CDH26: variants seen among roughly 807,000 people sequenced by gnomAD.
CDH26 encodes the protein cadherin 26, also known as cadherin-like protein 26.
CDH26 carries 83 observed loss-of-function variants against 90.3 expected under a neutral mutation model. The observed-to-expected ratio is 0.92, with a 90% CI of 0.77 to 1.10. The LOEUF (loss-of-function observed/expected upper bound fraction) is 1.10. CDH26 is among the 50% of genes least tolerant of loss of function. The pLI is 0.00. For missense variants in CDH26, 1,013 were observed against 1,037.6 expected (o/e 0.98, Z 0.33); for synonymous variants, 397 against 396.3 (o/e 1.00, Z -0.02).
At chr20:60,004,634 C>T (rs532933552) in intron 16 of CDH26, among the ~76,000 whole-genome samples, 19 of 151,814 alleles carry the variant, frequency 1.3e-4, no homozygotes, top group Non-Finnish European at 2.1e-4. Context: ...GACGTGGTGG[C>T]GGGCGCCTGT....
At chr20:59,961,923 T>TA (rs2061080455) in intron 1 of CDH26, among the ~76,000 whole-genome samples, 1 of 152,200 alleles carries the variant, frequency 6.6e-6, no homozygotes, top group Non-Finnish European at 1.5e-5. Flanking sequence ...AAAAGCCACT[T>TA]ATGATTTTTT....
chr20:59,996,353 G>T lies in CDH26; in HGVS notation c.1889-278G>T, dbSNP rs138608112. 166 of 1,448,616 alleles carry T rather than the reference G, an allele frequency of 1.1e-4. No homozygotes were observed. In the African/African-American group the frequency reaches 2.2e-3, roughly 19 times the overall value. 89.7% of individuals were successfully genotyped at this position (1,448,616 alleles called of 1,614,324 possible). On this transcript the variant is annotated intron_variant, in intron 12 of 17. Transcript: ENST00000348616. ...GAGACAGCAATGTACAGATATTCAG[G>T]CTCCTGGACTTGGCAAGGCTAATAA...
intron 7 of CDH26, among the ~76,000 whole-genome samples, chr20:59,985,349 C>A (rs573873525): frequency 2.6e-5 from 4 of 152,228 alleles, no homozygotes; most frequent in African/African-American, 9.6e-5. Context: ...TCTAGGGAGG[C>A]CTCAGGACGC....
chr20:59,958,783 G>A lies in CDH26; in HGVS notation c.57G>A (p.Leu19=), dbSNP rs1467433712. 3.1e-6 allele frequency: 5 copies of A among 1,613,768 alleles called. No individual in the cohort carries two copies. Among genetic ancestry groups the A allele is most frequent in the Non-Finnish European group, 4.2e-6 (5 of 1,179,856 alleles). Residue 19 remains leucine (L), a synonymous_variant, in exon 1 of 18, where the codon CTG becomes CTA. Coordinates refer to ENST00000348616, the MANE Select transcript of CDH26 (RefSeq NM_177980.4). ...PSLLLLLVLL[L]WLLQVSIIDS... ...TGCTGCTGCTTCTAGTGCTGCTGCT[G>A]TGGCTGCTGCAGGTAAGCTGAGCCT...
intron 14 of CDH26, 138 bp from the exon 15 acceptor site, chr20:60,001,205 T>A: frequency 2.0e-6 from 2 of 978,456 alleles, no homozygotes; most frequent in Non-Finnish European, 3.1e-6. Context: ...CACCGCGCCC[T>A]CCCTCTCATC....
chr20:59,970,146 A>G lies in CDH26; in HGVS notation c.191A>G (p.Glu64Gly). The G allele has an allele frequency of 6.2e-7, 1 of 1,614,104 alleles. No homozygotes were observed. The highest frequency in any genetic ancestry group is 8.5e-7 in the Non-Finnish European group (1 of 1,179,986). Residue 64 changes from glutamate to glycine, a missense_variant, in exon 3 of 18, where the codon GAG (glutamate) becomes GGG (glycine). Glu to Gly is a moderately conservative substitution (Grantham distance 98). Coordinates refer to ENST00000348616, the MANE Select transcript of CDH26 (RefSeq NM_177980.4). ...RRWVITTLELEEEDPGPFPKL... is the reference protein window; with the variant it reads ...RRWVITTLELGEEDPGPFPKL... ...TGGGTTATCACCACCTTGGAGCTGG[A>G]GGAGGAAGACCCGGGACCCTTTCCC...
rs144821881 is a variant in CDH26 at position 59,984,752 on chromosome 20, C to T, written c.655C>T (p.Arg219Trp). Residue 219 changes from arginine to tryptophan, a missense_variant, in exon 6 of 18, where the codon CGG (arginine) becomes TGG (tryptophan). Arg to Trp is a moderately radical substitution (Grantham distance 101, BLOSUM62 -3). Coordinates refer to ENST00000348616, the MANE Select transcript of CDH26 (RefSeq NM_177980.4). ...QTPLLKESGF[R>W]VDRLSGEIRL... ...ACCATTACTGAAAGAAAGTGGTTTC[C>T]GGGTTGATCGCCTTAGTGGAGAAAT... 561 of 1,613,696 alleles carry T rather than the reference C, an allele frequency of 3.5e-4. No homozygotes were observed. Among genetic ancestry groups the T allele is most frequent in the Non-Finnish European group, 4.4e-4 (519 of 1,179,878 alleles).
intron 4 of CDH26, among the ~76,000 whole-genome samples, chr20:59,977,143 G>A (rs1309110460): frequency 2.0e-5 from 3 of 152,184 alleles, no homozygotes; most frequent in Admixed American, 6.5e-5. Context: ...GCGGGGATGA[G>A]CAGAGGCCAT....
intron 4 of CDH26, among the ~76,000 whole-genome samples, chr20:59,978,235 A>C (rs915950954): frequency 6.6e-6 from 1 of 152,212 alleles, no homozygotes; most frequent in Non-Finnish European, 1.5e-5. Context: ...ATACATATTC[A>C]ACACATTTGG....
intron 12 of CDH26, 110 bp from the exon 13 acceptor site, chr20:59,996,521 T>G: frequency 1.2e-6 from 2 of 1,613,846 alleles, no homozygotes; most frequent in Non-Finnish European, 1.7e-6. Flanking sequence ...AGACGCAATT[T>G]GGCCTTGCCA....
rs1156368452 is a variant in CDH26 at position 59,996,396 on chromosome 20, G to T, written c.1889-235G>T. 3 of 1,489,246 alleles carry T rather than the reference G, an allele frequency of 2.0e-6. No homozygotes were observed. In the East Asian group the frequency reaches 7.3e-5, roughly 36 times the overall value. The allele number at this position is 1,489,246 out of a possible 1,614,324, so 92.3% of individuals were successfully genotyped here. ...GCTAATAAGAAAGCAGCTTTTCCAAGAAACAATACAATATTACTGGCCAGA... is the reference window on the plus strand; with the variant it reads ...GCTAATAAGAAAGCAGCTTTTCCAATAAACAATACAATATTACTGGCCAGA... On this transcript the variant is annotated intron_variant, in intron 12 of 17. Transcript: ENST00000348616.
intron 1 of CDH26, among the ~76,000 whole-genome samples, chr20:59,967,957 ATCTTTCTT>A (rs1162039272): frequency 0.17 from 9,832 of 59,194 alleles, 897 homozygotes; most frequent in East Asian, 0.21. Context: ...CTTTCTTTCT[ATCTTTCTT>A]TCTTTCTTTC....
intron 16 of CDH26, among the ~76,000 whole-genome samples, chr20:60,005,808 G>A (rs1263624615): frequency 6.6e-6 from 1 of 152,086 alleles, no homozygotes; most frequent in Non-Finnish European, 1.5e-5. Context: ...TGTCTTTAAT[G>A]TCCTGTGAGA....
rs1420649398 is a variant in CDH26 at position 59,992,469 on chromosome 20, C to G, written c.1375C>G (p.Pro459Ala). ...ITVEPIDRES[P>A]HVNNSFYVII... is the part of the protein sequence containing the mutation. ...CGTGGAGCCAATTGACCGAGAATCC[C>G]CTCATGTAAATAACAGTTTTTATGT... Residue 459 changes from proline to alanine, a missense_variant, in exon 10 of 18, where the codon CCT (proline) becomes GCT (alanine). Physicochemically the swap from Pro to Ala is conservative, Grantham distance 27 (BLOSUM62 -1). Transcript: ENST00000348616. The surrounding 1 kb of genome is among the most constrained non-coding windows in gnomAD (Gnocchi z 5.0). 6.2e-7 allele frequency: 1 copy of G among 1,614,060 alleles called. No homozygotes were observed. The highest frequency in any genetic ancestry group is 1.1e-5 in the South Asian group (1 of 91,064).
chr20:59,966,335 C>T (rs1265252146), intron 1 of CDH26, among the ~76,000 whole-genome samples: 1 of 151,442 alleles, frequency 6.6e-6, no homozygotes, highest in Non-Finnish European at 1.5e-5. Flanking sequence ...TGATGTACAG[C>T]AGCAGTGCCT....
chr20:60,029,112 G>A (rs185258185), intron 7 of CDH26, among the ~76,000 whole-genome samples: 1 of 152,338 alleles, frequency 6.6e-6, no homozygotes, highest in East Asian at 1.9e-4. Context: ...TTTCACCGAT[G>A]TGAGTGATCA....
rs1327475940 is a variant in CDH26 at position 60,012,721 on chromosome 20, T to C, written c.2490T>C (p.Val830=). Residue 830 remains valine, a synonymous_variant, in exon 18 of 18, where the codon GTT becomes GTC. Transcript: ENST00000348616. ...PFEEIYSESG[V]PS ...AGGAAATATATTCAGAGTCAGGTGTTCCTTCCTAAAAAAAAAAGTCTATTT... is the reference window on the plus strand; with the variant it reads ...AGGAAATATATTCAGAGTCAGGTGTCCCTTCCTAAAAAAAAAAGTCTATTT... 6.2e-7 allele frequency: 1 copy of C among 1,611,734 alleles called. No homozygotes were observed. Among genetic ancestry groups the C allele is most frequent in the Non-Finnish European group, 8.5e-7 (1 of 1,179,460 alleles).
At chr20:60,007,854 G>T (rs1034657782) in intron 17 of CDH26, among the ~76,000 whole-genome samples, 3 of 152,158 alleles carry the variant, frequency 2.0e-5, no homozygotes, top group Admixed American at 2.0e-4. Flanking sequence ...CTGCAAAATT[G>T]TGAAAGATGT....
intron 7 of CDH26, among the ~76,000 whole-genome samples, chr20:60,028,345 T>G (rs1419450135): frequency 1.3e-5 from 2 of 152,242 alleles, no homozygotes; most frequent in African/African-American, 4.8e-5. Context: ...ATCTGCCACG[T>G]TTTTAAAAGC....
Sources: allele counts gnomAD v4.1 joint callset (sites outside exome capture counted in the v4.1 genomes callset), GRCh38; gene constraint gnomAD v4.1.1; non-coding constraint Gnocchi (gnomAD v3.1); transcripts MANE v1.5; gene names NCBI Gene and HGNC (gene_info 2026-07-23, HGNC 2026-07-21).